Variants in ATP11B observed in about 807,000 individuals in gnomAD.
ATP11B encodes phospholipid-transporting ATPase IF.
Under a neutral mutation model 157.8 loss-of-function variants are expected in ATP11B, and 81 were observed. The observed-to-expected ratio is 0.51, with a 90% CI of 0.43 to 0.62. ATP11B has a LOEUF of 0.62. ATP11B is among the 20% of genes least tolerant of loss of function. ATP11B has a pLI of 0.00. For missense variants in ATP11B, 1,165 were observed against 1,402.2 expected, an observed-to-expected ratio of 0.83 and a Z score of 2.70; for synonymous variants, 451 against 469.4, an observed-to-expected ratio of 0.96 and a Z score of 0.51.
At chr3:182,856,724 A>G (rs1720437096) in intron 10 of ATP11B, among the ~76,000 whole-genome samples, 1 of 152,208 alleles carries the variant, frequency 6.6e-6, no homozygotes, top group East Asian at 1.9e-4. Flanking sequence ...TCACAGCAGA[A>G]TATATAGAGT....
intron 2 of ATP11B, among the ~76,000 whole-genome samples, chr3:182,826,738 T>C (rs2108503270): frequency 6.6e-6 from 1 of 152,336 alleles, no homozygotes; most frequent in Middle Eastern, 3.4e-3. Flanking sequence ...GACTAGTCTT[T>C]CCATATCCCT....
chr3:182,796,204 C>CT (rs1244272726), intron 1 of ATP11B, among the ~76,000 whole-genome samples: 1 of 152,084 alleles, frequency 6.6e-6, no homozygotes, highest in Non-Finnish European at 1.5e-5. Context: ...TTGGAATATC[C>CT]TTTTTTGTTT....
intron 2 of ATP11B, among the ~76,000 whole-genome samples, chr3:182,821,412 T>C (rs946470432): frequency 5.3e-5 from 8 of 152,154 alleles, no homozygotes; most frequent in Non-Finnish European, 1.0e-4. Flanking sequence ...CGGCCATAGA[T>C]TGGAATTTAA....
chr3:182,896,394 A>G (rs1723551269), intron 25 of ATP11B, among the ~76,000 whole-genome samples: 5 of 152,244 alleles, frequency 3.3e-5, no homozygotes, highest in Admixed American at 3.3e-4. Flanking sequence ...TGCAACAGCA[A>G]TAAAGCAGTC....
intron 1 of ATP11B, among the ~76,000 whole-genome samples, chr3:182,813,252 C>A (rs1243218015): frequency 6.6e-6 from 1 of 152,134 alleles, no homozygotes; most frequent in Admixed American, 6.6e-5. Context: ...ATTGCTGGAT[C>A]TTATGTTAAT....
At chr3:182,834,671 C>T (rs975195598) in intron 4 of ATP11B, among the ~76,000 whole-genome samples, 40 of 152,270 alleles carry the variant, frequency 2.6e-4, no homozygotes, top group Admixed American at 1.3e-3. Context: ...CTTAAAAGAT[C>T]GCCATTCCTT....
chr3:182,813,194 C>T (rs1716773423), intron 1 of ATP11B, among the ~76,000 whole-genome samples: 1 of 152,088 alleles, frequency 6.6e-6, no homozygotes, highest in Non-Finnish European at 1.5e-5. Context: ...TAGAAATATT[C>T]TTCGAGCTCC....
intron 1 of ATP11B, among the ~76,000 whole-genome samples, chr3:182,811,643 G>A (rs1046047916): frequency 1.3e-5 from 2 of 151,986 alleles, no homozygotes; most frequent in African/African-American, 2.4e-5. Context: ...GCAACCAATC[G>A]GAAAATAATA....
chr3:182,916,891 T>C lies in ATP11B; in HGVS notation c.3453-1132T>C, dbSNP rs1313227324. 4 of 982,032 alleles carry C rather than the reference T, an allele frequency of 4.1e-6. No homozygotes were observed. The African/African-American group carries it at 7.0e-5, about 17-fold the overall frequency. The allele number at this position is 982,032 out of a possible 1,614,324, so 60.8% of individuals were successfully genotyped here. On this transcript the variant is annotated intron_variant, in intron 29 of 29. Transcript: ENST00000323116. Reference sequence around the variant, plus strand: ...AAAGTTATAGTTAAAAGCATACTTGTCCCCTGTAAATACTTACTCTTTAAG... The same window carrying C: ...AAAGTTATAGTTAAAAGCATACTTGCCCCCTGTAAATACTTACTCTTTAAG...
chr3:182,824,099 A>G (rs967314820), intron 2 of ATP11B, among the ~76,000 whole-genome samples: 1 of 151,828 alleles, frequency 6.6e-6, no homozygotes, highest in Non-Finnish European at 1.5e-5. Flanking sequence ...TTTGTGCCTG[A>G]CTTCTTTTTT....
intron 24 of ATP11B, 34 bp downstream of exon 24, chr3:182,887,747 G>T (rs1254899851): frequency 6.3e-7 from 1 of 1,578,532 alleles, no homozygotes; most frequent in African/African-American, 1.4e-5. Flanking sequence ...GGCCTTATCA[G>T]TTTTTTTAAG....
chr3:182,907,540 T>G (rs1054625891), intron 28 of ATP11B, among the ~76,000 whole-genome samples: 1 of 152,246 alleles, frequency 6.6e-6, no homozygotes, highest in Admixed American at 6.5e-5. Flanking sequence ...AAAAGAATCC[T>G]GAATTTTTGT....
At chr3:182,827,202 T>C (rs746401737) in intron 2 of ATP11B, among the ~76,000 whole-genome samples, 2 of 152,164 alleles carry the variant, frequency 1.3e-5, no homozygotes, top group Admixed American at 6.5e-5. Context: ...TATGAAGTTA[T>C]GTTGTGAGTT....
Position 182,858,062 on chromosome 3 carries a change from G to A in ATP11B, c.1002+34G>A, listed in dbSNP as rs374924935. 1.9e-6 allele frequency: 3 copies of A among 1,575,796 alleles called. No homozygotes were observed. The African/African-American group carries it at 4.0e-5, about 21-fold the overall frequency. Reference sequence around the variant, plus strand: ...TGGTGTTATTGACTGTGTCATAAAGGAAACTATTACTTGGCACGATTAGTG... The same window carrying A: ...TGGTGTTATTGACTGTGTCATAAAGAAAACTATTACTTGGCACGATTAGTG... On this transcript the variant is annotated intron_variant, in intron 11 of 29. Coordinates refer to ENST00000323116, the MANE Select transcript of ATP11B (RefSeq NM_014616.3).
Position 182,889,479 on chromosome 3 carries a change from T to C in ATP11B, c.2913T>C (p.His971=). ...FLYWTILGFS[H]AFIFFFGSYL... is the part of the protein sequence containing the mutation. ...ATTGGACCATCCTGGGCTTCAGTCATGCCTTTATTTTCTTTTTTGGATCCT... is the reference window on the plus strand; with the variant it reads ...ATTGGACCATCCTGGGCTTCAGTCACGCCTTTATTTTCTTTTTTGGATCCT... Residue 971 remains histidine, a synonymous_variant, in exon 25 of 30, where the codon CAT becomes CAC. Transcript: ENST00000323116. 1.3e-6 allele frequency: 2 copies of C among 1,576,154 alleles called. No individual in the cohort carries two copies. The highest frequency in any genetic ancestry group is 1.7e-6 in the Non-Finnish European group (2 of 1,167,642).
At chr3:182,794,316 C>A (rs6795114) in intron 1 of ATP11B, among the ~76,000 whole-genome samples, 2,205 of 152,268 alleles carry the variant, frequency 0.014, 52 homozygotes, top group African/African-American at 0.05. Flanking sequence ...AGGAGGCTGT[C>A]GTAGGTGTCT....
chr3:182,836,927 A>G (rs1718597077), intron 6 of ATP11B, 144 bp from the exon 7 acceptor site: 2 of 627,482 alleles, frequency 3.2e-6, no homozygotes, highest in South Asian at 2.2e-5. Flanking sequence ...TTTATTTTAC[A>G]TGTTTCTTTC....
intron 25 of ATP11B, among the ~76,000 whole-genome samples, chr3:182,895,217 C>T (rs986904076): frequency 6.6e-6 from 1 of 151,536 alleles, no homozygotes; most frequent in African/African-American, 2.4e-5. Context: ...CACTGATCAT[C>T]GGTATTTCTG....
chr3:182,888,574 G>C (rs1294282657), intron 24 of ATP11B, among the ~76,000 whole-genome samples: 1 of 152,102 alleles, frequency 6.6e-6, no homozygotes, highest in Non-Finnish European at 1.5e-5. Flanking sequence ...AGGCTGGAGT[G>C]CAGTAGCAAG....
Sources: gnomAD v4.1 joint callset for allele counts (sites outside exome capture counted in the v4.1 genomes callset) on GRCh38, gnomAD v4.1.1 for gene constraint, MANE v1.5 for transcripts, NCBI Gene and HGNC (gene_info 2026-07-23, HGNC 2026-07-21) for gene names.